Variants in ZWILCH observed in about 807,000 individuals in gnomAD.
The protein encoded by ZWILCH is protein zwilch homolog.
A neutral mutation model predicts 79.9 loss-of-function variants in ZWILCH; 74 were observed. That is an observed-to-expected ratio of 0.93 (90% CI 0.77 to 1.12). The LOEUF (loss-of-function observed/expected upper bound fraction) is 1.12. Ranked by LOEUF, ZWILCH falls within the 50% of genes most tolerant of loss-of-function variation. The pLI, the probability that ZWILCH is intolerant of heterozygous loss-of-function variation, is 0.00. For synonymous variants in ZWILCH, 241 were observed against 228.2 expected (o/e 1.06, Z -0.51); for missense variants, 694 against 687.5 (o/e 1.01, Z -0.11).
At chr15:66,520,970 A>G in intron 6 of ZWILCH, 80 bp from the exon 7 acceptor site, 7 of 1,487,038 alleles carry the variant, frequency 4.7e-6, no homozygotes, top group Non-Finnish European at 6.4e-6. Context: ...TTTTGGGACA[A>G]GGATCAAAAT....
At position 66,528,942 on chromosome 15, in the gene ZWILCH, T is replaced by TG; in HGVS notation, c.1061dup (p.Cys354TrpfsTer6). 6.2e-7 allele frequency: 1 copy of TG among 1,613,826 alleles called. No homozygotes were observed. ...TCTTGATTTTGCTGAGCAACTGTGG[T>TG]GCAAAATGAGCAGTAGTAGGTGTCC... On this transcript the variant is annotated frameshift_variant, in exon 11 of 19. Coordinates refer to ENST00000307897, the MANE Select transcript of ZWILCH (RefSeq NM_017975.5). LOFTEE classifies it high-confidence loss of function.
chr15:66,520,575 T>C lies in ZWILCH; in HGVS notation c.521-15T>C, dbSNP rs1894453621. The C allele has an allele frequency of 7.3e-7, 1 of 1,364,956 alleles. No homozygotes were observed. The highest frequency in any genetic ancestry group is 1.0e-6 in the Non-Finnish European group (1 of 969,500). 84.6% of individuals were successfully genotyped at this position (1,364,956 alleles called of 1,614,324 possible). A position where few individuals can be genotyped will look rare whatever the true frequency, so the allele number is the denominator to read the frequency against. On this transcript the variant is annotated splice_polypyrimidine_tract_variant and intron_variant, in intron 5 of 18. Transcript: ENST00000307897. ...TGAGTTGTGCCTTTACATTTCTTTC[T>C]TTCATTTCCTATAGCTGATAAAAAT...
chr15:66,537,324 G>A, intron 16 of ZWILCH, 61 bp downstream of exon 16: 1 of 1,228,876 alleles, frequency 8.1e-7, no homozygotes, highest in South Asian at 1.2e-5. Flanking sequence ...ATGGGAGGCT[G>A]AGGTGGGAGG....
chr15:66,525,928 A>T (rs540814766), intron 8 of ZWILCH, among the ~76,000 whole-genome samples: 1 of 151,350 alleles, frequency 6.6e-6, no homozygotes, highest in African/African-American at 2.4e-5. Flanking sequence ...TGCCCTGCTA[A>T]TTTTTTTGTG....
chr15:66,547,191 T>TA (rs1895405071), intron 18 of ZWILCH: 2 of 61,118 alleles, frequency 3.3e-5, no homozygotes, highest in Admixed American at 3.2e-4. Flanking sequence ...TGACATTTTC[T>TA]TTTTTTTTTT....
rs769299514 is a variant in ZWILCH, at chr15:66,518,967, T to A, written c.409T>A (p.Trp137Arg). 1 of 1,614,200 alleles carries A rather than the reference T, an allele frequency of 6.2e-7. No homozygotes were observed. The highest frequency in any genetic ancestry group is 8.5e-7 in the Non-Finnish European group (1 of 1,180,026). Reference protein sequence around the residue: ...NLPVTALPPLWVRCDSSDPEG... With the variant: ...NLPVTALPPLRVRCDSSDPEG... ...GCCAGTTACTGCCCTTCCTCCCCTT[T>A]GGGTAAGATGTGACAGTTCAGATCC... is the stretch of plus-strand genomic sequence containing the variant. Residue 137 changes from tryptophan (W) to arginine (R), a missense_variant, in exon 5 of 19, where the codon TGG becomes AGG. Transcript: ENST00000307897.
chr15:66,507,510 T>G (rs1014090172), intron 1 of ZWILCH, among the ~76,000 whole-genome samples: 2 of 152,186 alleles, frequency 1.3e-5, no homozygotes, highest in Non-Finnish European at 2.9e-5. Context: ...ATTTAGTGAG[T>G]TCCTCTTGGC....
rs4485301 is a variant in ZWILCH at position 66,518,180 on chromosome 15, T to G, written c.321-699T>G. Among the ~76,000 whole-genome samples, 582 of 152,264 alleles carry G rather than the reference T, an allele frequency of 3.8e-3. 5 individuals are homozygous for G. The highest frequency in any genetic ancestry group is 0.013 in the African/African-American group (555 of 41,542). ...CCTGTCATACTCTGTCACTTTCTGGTGCGTGCATTTTGATCTGCCTGGTGA... is the reference window on the plus strand; with the variant it reads ...CCTGTCATACTCTGTCACTTTCTGGGGCGTGCATTTTGATCTGCCTGGTGA... On this transcript the variant is annotated intron_variant, in intron 4 of 18. Coordinates refer to ENST00000307897, the MANE Select transcript of ZWILCH (RefSeq NM_017975.5).
chr15:66,512,639 A>G (rs1894110961), intron 2 of ZWILCH, among the ~76,000 whole-genome samples: 1 of 151,766 alleles, frequency 6.6e-6, no homozygotes, highest in South Asian at 2.1e-4. Flanking sequence ...GCAGAATCTC[A>G]CTCTGTTGCC....
intron 17 of ZWILCH, among the ~76,000 whole-genome samples, chr15:66,541,314 G>GCACACA (rs1262994995): frequency 6.6e-6 from 1 of 151,662 alleles, no homozygotes; most frequent in Admixed American, 6.6e-5. Flanking sequence ...ACACGCACAC[G>GCACACA]CACACACAAA....
intron 3 of ZWILCH, 37 bp downstream of exon 3, chr15:66,514,120 C>T: frequency 2.0e-6 from 3 of 1,482,092 alleles, no homozygotes; most frequent in Non-Finnish European, 1.8e-6. Context: ...GTTTAATTCT[C>T]CATAACCAAA....
chr15:66,517,417 C>CGTGTGTGT (rs141565295), intron 4 of ZWILCH, among the ~76,000 whole-genome samples: 3,617 of 76,648 alleles, frequency 0.047, 140 homozygotes, highest in South Asian at 0.069. Context: ...TTTGTGTGTG[C>CGTGTGTGT]GTGTGTGTGT....
intron 2 of ZWILCH, among the ~76,000 whole-genome samples, chr15:66,513,589 T>TA (rs1027234086): frequency 3.3e-5 from 5 of 150,834 alleles, no homozygotes; most frequent in African/African-American, 1.2e-4. Flanking sequence ...TTTTTTTTTT[T>TA]GAAACAGAGT....
chr15:66,509,858 TATATATATATATCTCTTAAAAATCA>T (rs1229454990), intron 2 of ZWILCH, among the ~76,000 whole-genome samples: 25 of 83,516 alleles, frequency 3.0e-4, no homozygotes, highest in African/African-American at 9.2e-4. Flanking sequence ...TATATATATA[TATATATATATATCTCTTAAAAATCA>T]ATGAGGAAGA....
chr15:66,535,885 T>C, intron 14 of ZWILCH, 48 bp from the exon 15 acceptor site: 1 of 1,551,432 alleles, frequency 6.4e-7, no homozygotes, highest in African/African-American at 1.4e-5. Context: ...TTACAAAGGT[T>C]ACACAGGTGC....
Position 66,508,962 on chromosome 15 carries a change from C to T in ZWILCH, c.105+70C>T, listed in dbSNP as rs557023578. ...GTCTGTTTTTATTTTTATTTTGAGA[C>T]GGAGTCATGCTCTGTTACCCAGGCT... On this transcript the variant is annotated intron_variant, in intron 2 of 18. Coordinates refer to ENST00000307897, the MANE Select transcript of ZWILCH (RefSeq NM_017975.5). 13,839 of 1,524,338 alleles carry T rather than the reference C, an allele frequency of 9.1e-3. 85 individuals carry two copies. Among genetic ancestry groups the T allele is most frequent in the Non-Finnish European group, 0.01 (11,635 of 1,116,038 alleles). The allele number at this position is 1,524,338 out of a possible 1,614,324, so 94.4% of individuals were successfully genotyped here.
At chr15:66,537,119 A>G (rs1448556132) in intron 15 of ZWILCH, 49 bp from the exon 16 acceptor site, 4 of 1,462,720 alleles carry the variant, frequency 2.7e-6, no homozygotes, top group Admixed American at 1.7e-5. Context: ...GAAAAACGTT[A>G]TGTCAAATGG....
intron 16 of ZWILCH, among the ~76,000 whole-genome samples, chr15:66,538,682 A>G (rs534623664): frequency 8.7e-4 from 133 of 152,160 alleles, no homozygotes; most frequent in Non-Finnish European, 1.6e-3. Flanking sequence ...TGCTCGGTCT[A>G]CTTCAGTAAG....
intron 2 of ZWILCH, 157 bp from the exon 3 acceptor site, chr15:66,513,831 G>C (rs1415777647): frequency 2.6e-6 from 1 of 391,368 alleles, no homozygotes; most frequent in African/African-American, 2.1e-5. Context: ...TGGGCCTCCC[G>C]AAGTGCTGGG....
Sources: gnomAD v4.1 joint callset for allele counts (sites outside exome capture counted in the v4.1 genomes callset) on GRCh38, gnomAD v4.1.1 for gene constraint, MANE v1.5 for transcripts, NCBI Gene and HGNC (gene_info 2026-07-23, HGNC 2026-07-21) for gene names.